Variants in GRM7 observed in about 807,000 individuals in gnomAD.
GRM7 encodes the protein glutamate metabotropic receptor 7, also known as metabotropic glutamate receptor 7.
A neutral mutation model predicts 84.5 loss-of-function variants in GRM7; 35 were observed. The ratio of observed to expected loss-of-function variants is 0.41; its 90% CI spans 0.32 to 0.55. The LOEUF (loss-of-function observed/expected upper bound fraction) is 0.55, where lower values mean the gene tolerates loss of function less well. Ranked by LOEUF, GRM7 falls within the 20% of genes least tolerant of loss-of-function variation. GRM7 has a pLI of 0.19. For missense variants in GRM7, 1,003 were observed against 1,194.6 expected, an observed-to-expected ratio of 0.84 and a Z score of 2.36; for synonymous variants, 487 against 455.1, an observed-to-expected ratio of 1.07 and a Z score of -0.89.
At chr3:7,042,684 A>T (rs73112830) in intron 1 of GRM7, among the ~76,000 whole-genome samples, 1,672 of 152,176 alleles carry the variant, frequency 0.011, 22 homozygotes, top group African/African-American at 0.038. Flanking sequence ...TTCATCTTTT[A>T]AACACTTTTT....
intron 1 of GRM7, among the ~76,000 whole-genome samples, chr3:6,881,762 G>A (rs1232383295): frequency 7.9e-5 from 12 of 152,062 alleles, no homozygotes; most frequent in Admixed American, 7.9e-4. Flanking sequence ...GCGTTCTGTG[G>A]GCCAGTAAGC....
chr3:7,659,773 G>A (rs988339985), intron 8 of GRM7, among the ~76,000 whole-genome samples: 2 of 152,174 alleles, frequency 1.3e-5, no homozygotes, highest in African/African-American at 4.8e-5. Context: ...TTTCAACACG[G>A]TAAGATGTTT....
At chr3:7,398,447 G>C (rs1695305892) in intron 4 of GRM7, among the ~76,000 whole-genome samples, 1 of 152,134 alleles carries the variant, frequency 6.6e-6, no homozygotes. Flanking sequence ...ACTACAGGAA[G>C]AGCTTCCTAA....
intron 7 of GRM7, among the ~76,000 whole-genome samples, chr3:7,552,268 C>A (rs1036261566): frequency 1.3e-5 from 2 of 152,222 alleles, no homozygotes; most frequent in African/African-American, 2.4e-5. Context: ...GCAGCTCCAC[C>A]CCTGTAGCTT....
At chr3:7,232,322 A>G (rs1458383664) in intron 2 of GRM7, among the ~76,000 whole-genome samples, 3 of 152,192 alleles carry the variant, frequency 2.0e-5, no homozygotes, top group Non-Finnish European at 2.9e-5. Flanking sequence ...TTTTGACAAA[A>G]CATAGGTCAA....
intron 4 of GRM7, among the ~76,000 whole-genome samples, chr3:7,310,846 A>G (rs981991547): frequency 4.1e-5 from 6 of 146,958 alleles, no homozygotes; most frequent in Non-Finnish European, 7.4e-5. Flanking sequence ...CATTTAGCCT[A>G]CATCATTCCA....
At chr3:7,069,109 G>A (rs949155036) in intron 1 of GRM7, among the ~76,000 whole-genome samples, 2 of 151,366 alleles carry the variant, frequency 1.3e-5, no homozygotes, top group African/African-American at 2.4e-5. Context: ...CAAGAAAAAA[G>A]AGCATAGTCA....
chr3:7,219,275 A>G (rs1312622136), intron 2 of GRM7, among the ~76,000 whole-genome samples: 1 of 152,114 alleles, frequency 6.6e-6, no homozygotes, highest in Non-Finnish European at 1.5e-5. Context: ...ACGTCTAACC[A>G]TTCATTTACT....
chr3:7,448,167 G>A (rs1697606610), intron 5 of GRM7, among the ~76,000 whole-genome samples: 1 of 151,556 alleles, frequency 6.6e-6, no homozygotes, highest in Admixed American at 6.6e-5. Context: ...CACTTGGGTT[G>A]GTTCCAAGTC....
intron 2 of GRM7, among the ~76,000 whole-genome samples, chr3:7,290,974 C>T (rs927663238): frequency 7.2e-5 from 11 of 152,118 alleles, no homozygotes; most frequent in Non-Finnish European, 1.3e-4. Context: ...CCCCCAGGTG[C>T]TGTTCCAGTT....
chr3:7,159,312 G>T (rs555630568), intron 2 of GRM7, among the ~76,000 whole-genome samples: 2 of 152,290 alleles, frequency 1.3e-5, no homozygotes, highest in Middle Eastern at 3.4e-3. Context: ...TAAAGGGCAA[G>T]AATATTACCT....
intron 8 of GRM7, among the ~76,000 whole-genome samples, chr3:7,654,593 T>G (rs992411214): frequency 2.0e-5 from 3 of 152,200 alleles, no homozygotes; most frequent in African/African-American, 7.2e-5. Context: ...AGACATAGGC[T>G]TTGGAACTAG....
intron 1 of GRM7, among the ~76,000 whole-genome samples, chr3:7,092,693 T>C (rs1698712607): frequency 1.3e-5 from 2 of 152,050 alleles, no homozygotes; most frequent in Non-Finnish European, 2.9e-5. Context: ...CTGCTATTTT[T>C]GAGAAGGGGG....
chr3:7,313,011 C>T (rs765999837), intron 4 of GRM7, among the ~76,000 whole-genome samples: 27 of 151,322 alleles, frequency 1.8e-4, no homozygotes, highest in Non-Finnish European at 2.7e-4. Flanking sequence ...TCACTGCACC[C>T]TCCATCTCCC....
At chr3:7,615,957 T>C (rs1157590814) in intron 8 of GRM7, among the ~76,000 whole-genome samples, 1 of 151,990 alleles carries the variant, frequency 6.6e-6, no homozygotes, top group Non-Finnish European at 1.5e-5. Flanking sequence ...ATTACATATA[T>C]AAACACACAC....
intron 2 of GRM7, among the ~76,000 whole-genome samples, chr3:7,239,907 AC>A (rs1045590789): frequency 5.7e-4 from 87 of 152,256 alleles, no homozygotes; most frequent in Middle Eastern, 3.4e-3. Flanking sequence ...TCTGGCTGTA[AC>A]TTTTGATCAT....
At chr3:7,615,104 T>G (rs1032701467) in intron 8 of GRM7, among the ~76,000 whole-genome samples, 2 of 152,182 alleles carry the variant, frequency 1.3e-5, no homozygotes, top group Non-Finnish European at 2.9e-5. Flanking sequence ...ATGCCTTTTT[T>G]TCTTTACCTA....
chr3:7,326,169 G>T (rs1479800570), intron 4 of GRM7, among the ~76,000 whole-genome samples: 1 of 136,458 alleles, frequency 7.3e-6, no homozygotes, highest in Non-Finnish European at 1.5e-5. Context: ...ACAACAGTAG[G>T]CAAAAAAAAA....
chr3:7,381,284 T>G (rs1465911263), intron 4 of GRM7, among the ~76,000 whole-genome samples: 1 of 152,180 alleles, frequency 6.6e-6, no homozygotes, highest in East Asian at 1.9e-4. Context: ...ATCCAGGCTT[T>G]TCTACTCAAA....
Sources: gnomAD v4.1 joint callset for allele counts (sites outside exome capture counted in the v4.1 genomes callset) on GRCh38, gnomAD v4.1.1 for gene constraint, MANE v1.5 for transcripts, NCBI Gene and HGNC (gene_info 2026-07-23, HGNC 2026-07-21) for gene names.